UBE2E3: variants seen among roughly 807,000 people sequenced by gnomAD.
The protein encoded by UBE2E3 is ubiquitin conjugating enzyme E2 E3.
A neutral mutation model predicts 23.6 loss-of-function variants in UBE2E3; 5 were observed. The ratio of observed to expected loss-of-function variants is 0.21; its 90% CI spans 0.11 to 0.44. The LOEUF (loss-of-function observed/expected upper bound fraction) is 0.44. Ranked by LOEUF, UBE2E3 falls within the 20% of genes least tolerant of loss-of-function variation. The pLI is 0.99. For missense variants in UBE2E3, 81 were observed against 249.8 expected, an observed-to-expected ratio of 0.32 and a Z score of 4.55; for synonymous variants, 78 against 87.5, an observed-to-expected ratio of 0.89 and a Z score of 0.60.
At chr2:180,991,712 A>G (rs930776302) in intron 3 of UBE2E3, among the ~76,000 whole-genome samples, 1 of 152,130 alleles carries the variant, frequency 6.6e-6, no homozygotes, top group East Asian at 1.9e-4. Context: ...GTGTGGCCCA[A>G]GAGAGTTCTG....
chr2:180,992,766 A>G (rs937116721), intron 3 of UBE2E3, among the ~76,000 whole-genome samples: 3 of 152,120 alleles, frequency 2.0e-5, no homozygotes, highest in African/African-American at 4.8e-5. Context: ...GGTTCAAGCA[A>G]TTCTCCTGCC....
chr2:181,039,744 G>A (rs58057770), intron 3 of UBE2E3, among the ~76,000 whole-genome samples: 38,068 of 151,988 alleles, frequency 0.25, 4,994 homozygotes, highest in Non-Finnish European at 0.28. Context: ...TAAAATTTTC[G>A]TAAAATGTCA....
chr2:181,026,871 C>T (rs1325994054), intron 3 of UBE2E3, among the ~76,000 whole-genome samples: 1 of 141,254 alleles, frequency 7.1e-6, no homozygotes, highest in Non-Finnish European at 1.6e-5. Context: ...GATTATTGAT[C>T]ATATAATATT....
At chr2:181,025,086 G>A (rs887444032) in intron 3 of UBE2E3, among the ~76,000 whole-genome samples, 27 of 151,914 alleles carry the variant, frequency 1.8e-4, no homozygotes, top group African/African-American at 5.1e-4. Context: ...GTTCTGGGAC[G>A]AAAGTTGGAA....
intron 3 of UBE2E3, among the ~76,000 whole-genome samples, chr2:181,030,005 T>G (rs1483494237): frequency 1.3e-5 from 2 of 152,026 alleles, no homozygotes; most frequent in African/African-American, 4.8e-5. Flanking sequence ...GGCTAATTTT[T>G]GTATTTTTAG....
At chr2:181,005,737 A>G (rs1685130768) in intron 3 of UBE2E3, among the ~76,000 whole-genome samples, 3 of 152,170 alleles carry the variant, frequency 2.0e-5, no homozygotes, top group Admixed American at 2.0e-4. Context: ...TATTTAACAG[A>G]CCTACATTTT....
rs1685281220 is a variant in UBE2E3 at position 181,010,294 on chromosome 2, T to TA, written c.245+26202dup. ...TCAGCTAGTTACAGGGTTAATATGT[T>TA]ACTATGATACTATTTCTTGTCAGTC... is the stretch of plus-strand genomic sequence containing the variant. On this transcript the variant is annotated intron_variant, in intron 3 of 5. Coordinates refer to ENST00000410062, the MANE Select transcript of UBE2E3 (RefSeq NM_006357.4). 3.9e-5 allele frequency among the ~76,000 whole-genome samples: 6 copies of TA among 152,326 alleles called. No individual in the cohort carries two copies. In the South Asian group the frequency reaches 1.2e-3, roughly 32 times the overall value.
chr2:181,000,417 T>A (rs1684955666), intron 3 of UBE2E3, among the ~76,000 whole-genome samples: 1 of 152,178 alleles, frequency 6.6e-6, no homozygotes, highest in Admixed American at 6.5e-5. Context: ...ATCTAAAATG[T>A]TAACACTGTA....
At chr2:181,005,966 C>A (rs900468317) in intron 3 of UBE2E3, among the ~76,000 whole-genome samples, 1 of 152,166 alleles carries the variant, frequency 6.6e-6, no homozygotes, top group Non-Finnish European at 1.5e-5. Flanking sequence ...GATTTTGGCT[C>A]ATGTGTATAA....
intron 3 of UBE2E3, among the ~76,000 whole-genome samples, chr2:181,029,659 C>CTTT (rs61149975): frequency 1.7e-5 from 2 of 116,842 alleles, no homozygotes; most frequent in African/African-American, 3.3e-5. Flanking sequence ...TGTAGACAAT[C>CTTT]TTTTTTTTTT....
chr2:181,041,196 C>T (rs1453044537), intron 3 of UBE2E3, among the ~76,000 whole-genome samples: 2 of 124,184 alleles, frequency 1.6e-5, no homozygotes, highest in Non-Finnish European at 3.2e-5. Flanking sequence ...TGCAGTGAGC[C>T]GAGATCATGC....
chr2:181,004,543 G>C (rs28624597), intron 3 of UBE2E3, among the ~76,000 whole-genome samples: 1 of 152,010 alleles, frequency 6.6e-6, no homozygotes. Flanking sequence ...TGAGGCAGGA[G>C]AATCACTTGA....
intron 3 of UBE2E3, among the ~76,000 whole-genome samples, chr2:181,056,877 A>G (rs772175572): frequency 2.0e-5 from 3 of 151,794 alleles, no homozygotes; most frequent in East Asian, 1.9e-4. Context: ...AACATCACCA[A>G]TGAGGTACAG....
intron 3 of UBE2E3, among the ~76,000 whole-genome samples, chr2:181,038,521 A>G (rs1239485223): frequency 6.6e-6 from 1 of 152,240 alleles, no homozygotes; most frequent in Non-Finnish European, 1.5e-5. Flanking sequence ...TATAACTTCT[A>G]GAATATAATG....
At chr2:180,995,833 C>G (rs1574164127) in intron 3 of UBE2E3, among the ~76,000 whole-genome samples, 1 of 151,290 alleles carries the variant, frequency 6.6e-6, no homozygotes, top group African/African-American at 2.4e-5. Flanking sequence ...TCAAAAGGCA[C>G]CTAAGATCTG....
intron 3 of UBE2E3, among the ~76,000 whole-genome samples, chr2:181,048,037 A>G (rs1021542490): frequency 3.9e-5 from 6 of 152,032 alleles, no homozygotes; most frequent in Non-Finnish European, 8.8e-5. Context: ...GCCTCAGGGC[A>G]TTTTCCTATG....
chr2:181,046,155 A>T lies in UBE2E3; in HGVS notation c.246-11538A>T, dbSNP rs6433883. Among the ~76,000 whole-genome samples, 632 of 152,092 alleles carry T rather than the reference A, an allele frequency of 4.2e-3. 3 individuals carry two copies. The highest frequency in any genetic ancestry group is 6.6e-3 in the Non-Finnish European group (449 of 67,976). Reference sequence around the variant, plus strand: ...TCAGTAACACTGAGTACCCCACATAAGTGCCAGCTATAGTATGAAGCTTTG... The same window carrying T: ...TCAGTAACACTGAGTACCCCACATATGTGCCAGCTATAGTATGAAGCTTTG... On this transcript the variant is annotated intron_variant, in intron 3 of 5. Transcript: ENST00000410062.
chr2:180,996,786 A>G (rs1279026225), intron 3 of UBE2E3, among the ~76,000 whole-genome samples: 1 of 152,220 alleles, frequency 6.6e-6, no homozygotes, highest in Non-Finnish European at 1.5e-5. Flanking sequence ...AATAATTTGT[A>G]ATAGTTGTGT....
chr2:181,042,410 A>C (rs10172609), intron 3 of UBE2E3, among the ~76,000 whole-genome samples: 8,459 of 152,258 alleles, frequency 0.056, 400 homozygotes, highest in African/African-American at 0.12. Context: ...AGCAATCTGT[A>C]CTAGAGTTCA....
Sources: allele counts gnomAD v4.1 joint callset (sites outside exome capture counted in the v4.1 genomes callset), GRCh38; gene constraint gnomAD v4.1.1; transcripts MANE v1.5; gene names NCBI Gene and HGNC (gene_info 2026-07-23, HGNC 2026-07-21).